ADD3: variants seen among roughly 807,000 people sequenced by gnomAD.
The protein encoded by ADD3 is adducin 3.
Under a neutral mutation model 80.2 loss-of-function variants are expected in ADD3, and 25 were observed. That is an observed-to-expected ratio of 0.31 (90% CI 0.23 to 0.44). ADD3 has a LOEUF of 0.44. Among genes scored for constraint, ADD3 ranks in the 20% least tolerant of loss-of-function variants. The pLI, the probability that ADD3 is intolerant of heterozygous loss-of-function variation, is 1.00. For missense variants in ADD3, 829 were observed against 847.5 expected (o/e 0.98, Z 0.27); for synonymous variants, 284 against 289.6 (o/e 0.98, Z 0.20).
intron 1 of ADD3, among the ~76,000 whole-genome samples, chr10:110,069,284 T>A (rs1844383042): frequency 6.6e-6 from 1 of 152,206 alleles, no homozygotes; most frequent in Non-Finnish European, 1.5e-5. Context: ...AAATGGAAGA[T>A]TTGTTATTTA....
chr10:110,073,907 T>C (rs1845074833), intron 1 of ADD3, among the ~76,000 whole-genome samples: 1 of 151,856 alleles, frequency 6.6e-6, no homozygotes, highest in African/African-American at 2.4e-5. Context: ...ATTTAAACAG[T>C]TTAGACAGAC....
chr10:110,050,806 C>T (rs1175238832), intron 1 of ADD3, among the ~76,000 whole-genome samples: 3 of 152,132 alleles, frequency 2.0e-5, no homozygotes, highest in Non-Finnish European at 4.4e-5. Flanking sequence ...AGCCACCGTG[C>T]CTTTCTAAAT....
At chr10:110,130,277 C>A in intron 12 of ADD3, 86 bp from the exon 13 acceptor site, 1 of 1,321,458 alleles carries the variant, frequency 7.6e-7, no homozygotes, top group Non-Finnish European at 1.1e-6. Context: ...ATCATATTTG[C>A]ATTTATGTGT....
intron 1 of ADD3, among the ~76,000 whole-genome samples, chr10:110,021,713 A>G (rs1853701159): frequency 6.6e-6 from 1 of 152,096 alleles, no homozygotes. Flanking sequence ...GGGAGGGGGA[A>G]ATGGGGAGTG....
intron 13 of ADD3, 68 bp from the exon 14 acceptor site, chr10:110,132,237 A>C: frequency 9.2e-7 from 1 of 1,090,864 alleles, no homozygotes; most frequent in Non-Finnish European, 1.4e-6. Flanking sequence ...GTATGCACTA[A>C]CCTCCCTAAA....
chr10:110,095,646 A>C (rs1366618471), intron 1 of ADD3, among the ~76,000 whole-genome samples: 2 of 152,208 alleles, frequency 1.3e-5, no homozygotes, highest in Non-Finnish European at 2.9e-5. Flanking sequence ...GGTTGTTTCT[A>C]CTTTTTCCTG....
intron 1 of ADD3, among the ~76,000 whole-genome samples, chr10:110,021,537 G>T (rs1853675448): frequency 6.6e-6 from 1 of 152,142 alleles, no homozygotes; most frequent in East Asian, 1.9e-4. Flanking sequence ...GTCATAAAAA[G>T]GAATGAATTA....
At chr10:110,007,288 C>T (rs1851716876), upstream of ADD3, among the ~76,000 whole-genome samples, 1 of 152,198 alleles carries the variant, frequency 6.6e-6, no homozygotes, top group African/African-American at 2.4e-5. Context: ...AGCCCCTGTC[C>T]TCCCCCTATG....
At chr10:109,999,402 G>C (rs6584964) in intron 1 of ADD3, among the ~76,000 whole-genome samples, 41,460 of 151,996 alleles carry the variant, frequency 0.27, 8,425 homozygotes, top group African/African-American at 0.56. Flanking sequence ...CCTTCTCCTC[G>C]TTTTTCCCCC....
intron 1 of ADD3, among the ~76,000 whole-genome samples, chr10:110,042,658 T>A (rs1233253012): frequency 2.6e-5 from 4 of 151,422 alleles, no homozygotes; most frequent in Non-Finnish European, 5.9e-5. Context: ...AATAGTCTTA[T>A]TATTGATAAC....
rs538037074 is a variant in ADD3, at chr10:110,030,771, G to A, written c.-30+22472G>A. ...ATAAAATAACTTTTTTTAATATATTGATTACATTGGCTACAGCTATTCCAG... is the reference window on the plus strand; with the variant it reads ...ATAAAATAACTTTTTTTAATATATTAATTACATTGGCTACAGCTATTCCAG... On this transcript the variant is annotated intron_variant, in intron 1 of 14. Coordinates refer to ENST00000356080, the MANE Select transcript of ADD3 (RefSeq NM_016824.5). Among the ~76,000 whole-genome samples the A allele has an allele frequency of 3.3e-5, 5 of 151,738 alleles. No homozygotes were observed. In the East Asian group the frequency reaches 9.6e-4, roughly 29 times the overall value.
chr10:110,077,675 G>A (rs531899800), intron 1 of ADD3, among the ~76,000 whole-genome samples: 18 of 152,250 alleles, frequency 1.2e-4, no homozygotes, highest in African/African-American at 3.6e-4. Flanking sequence ...CATCAGTTCC[G>A]TGCTTCTGTG....
At chr10:110,109,382 C>T (rs187756329) in intron 2 of ADD3, among the ~76,000 whole-genome samples, 1 of 152,328 alleles carries the variant, frequency 6.6e-6, no homozygotes, top group Admixed American at 6.5e-5. Context: ...ATTCCTGGCT[C>T]TGTCTACCTT....
intron 2 of ADD3, among the ~76,000 whole-genome samples, chr10:110,101,383 C>T (rs1016299755): frequency 6.6e-6 from 1 of 152,130 alleles, no homozygotes; most frequent in Admixed American, 6.6e-5. Flanking sequence ...AGTGTAATCC[C>T]AGCACTTTGG....
intron 1 of ADD3, among the ~76,000 whole-genome samples, chr10:110,064,530 A>T (rs1009810127): frequency 6.6e-6 from 1 of 152,282 alleles, no homozygotes; most frequent in African/African-American, 2.4e-5. Flanking sequence ...GGGTTTTTGG[A>T]TGTGCTTTTG....
At chr10:110,069,224 G>T (rs545804146) in intron 1 of ADD3, among the ~76,000 whole-genome samples, 57 of 152,130 alleles carry the variant, frequency 3.7e-4, no homozygotes, top group Middle Eastern at 6.8e-3. Context: ...TTCCTCTCAG[G>T]TTGTCATGAT....
intron 12 of ADD3, among the ~76,000 whole-genome samples, 165 bp downstream of exon 12, chr10:110,126,668 G>A (rs1590239429): frequency 6.6e-6 from 1 of 152,312 alleles, no homozygotes; most frequent in East Asian, 1.9e-4. Context: ...TCCAGGTGCA[G>A]CAACTTTCTG....
intron 1 of ADD3, among the ~76,000 whole-genome samples, chr10:110,000,614 T>C (rs1373446714): frequency 1.3e-5 from 2 of 152,270 alleles, no homozygotes; most frequent in African/African-American, 2.4e-5. Flanking sequence ...TTCCATACTC[T>C]TCCCAAGAAA....
chr10:110,117,366 C>T lies in ADD3; in HGVS notation c.511C>T (p.His171Tyr). The change falls in exon 5 of 15, where the codon CAC becomes TAC. Residue 171 changes from histidine to tyrosine, a missense_variant. Physicochemically the swap from His to Tyr is moderately conservative, Grantham distance 83. Coordinates refer to ENST00000356080, the MANE Select transcript of ADD3 (RefSeq NM_016824.5). ...GGTAAGAATAAGTAAGGAGCAAGACCACATTATAATAATTCCCAGAGGCCT... is the reference window on the plus strand; with the variant it reads ...GGTAAGAATAAGTAAGGAGCAAGACTACATTATAATAATTCCCAGAGGCCT... ...ISVRISKEQD[H>Y]IIIIPRGLSF... The T allele has an allele frequency of 6.2e-7, 1 of 1,603,812 alleles. No individual in the cohort carries two copies. Among genetic ancestry groups the T allele is most frequent in the Non-Finnish European group, 8.5e-7 (1 of 1,171,304 alleles).
Sources: allele counts gnomAD v4.1 joint callset (sites outside exome capture counted in the v4.1 genomes callset), GRCh38; gene constraint gnomAD v4.1.1; transcripts MANE v1.5; gene names NCBI Gene and HGNC (gene_info 2026-07-23, HGNC 2026-07-21).